KIF26B: variants seen among roughly 807,000 people sequenced by gnomAD.
The protein encoded by KIF26B is kinesin family member 26B, also known as kinesin-like protein KIF26B.
In KIF26B, 63 loss-of-function variants were observed where a neutral mutation model predicts 151.2. The ratio of observed to expected loss-of-function variants is 0.42; its 90% confidence interval spans 0.34 to 0.51. KIF26B has a LOEUF of 0.51. KIF26B is among the 20% of genes least tolerant of loss of function. The pLI, the probability that KIF26B is intolerant of heterozygous loss-of-function variation, is 0.07. For synonymous variants in KIF26B, 1,357 were observed against 1,262.1 expected (o/e 1.08, Z -1.59); for missense variants, 2,813 against 2,913.6 (o/e 0.97, Z 0.79).
intron 2 of KIF26B, among the ~76,000 whole-genome samples, chr1:245,186,920 G>A (rs1032027940): frequency 2.6e-5 from 4 of 151,538 alleles, no homozygotes; most frequent in Non-Finnish European, 1.5e-5. Context: ...GCAATGGCGC[G>A]ATCTTGGCTC....
chr1:245,637,784 T>A (rs1309575086), intron 9 of KIF26B, among the ~76,000 whole-genome samples: 2 of 151,992 alleles, frequency 1.3e-5, no homozygotes, highest in Non-Finnish European at 2.9e-5. Flanking sequence ...ATGTTATTGG[T>A]GCCTTTGTCA....
At chr1:245,609,208 T>G in intron 7 of KIF26B, 58 bp from the exon 8 acceptor site, 1 of 1,488,190 alleles carries the variant, frequency 6.7e-7, no homozygotes, top group South Asian at 1.4e-5. Flanking sequence ...TTTTGGAGAC[T>G]CCGTGGAATG....
At chr1:245,421,079 A>G (rs189968735) in intron 4 of KIF26B, among the ~76,000 whole-genome samples, 1 of 152,198 alleles carries the variant, frequency 6.6e-6, no homozygotes, top group Admixed American at 6.5e-5. Flanking sequence ...AATGGGGACC[A>G]TTGTGTTAGC....
chr1:245,525,605 G>GA (rs1462020412), intron 4 of KIF26B, among the ~76,000 whole-genome samples: 3 of 152,196 alleles, frequency 2.0e-5, no homozygotes, highest in Non-Finnish European at 4.4e-5. Context: ...TTCACACAAG[G>GA]AAAAGATGAT....
At chr1:245,165,385 G>T (rs1311906859) in intron 2 of KIF26B, among the ~76,000 whole-genome samples, 4 of 152,216 alleles carry the variant, frequency 2.6e-5, no homozygotes, top group Admixed American at 2.6e-4. Context: ...CAGAGAAGGG[G>T]TTTTGTTATT....
In KIF26B at chr1:245,547,884, C is replaced by G. The variant is rs561694816; in HGVS notation, c.1350+6934C>G. Among the ~76,000 whole-genome samples the G allele has an allele frequency of 2.0e-5, 3 of 152,266 alleles. No individual in the cohort carries two copies. In the South Asian group the frequency reaches 6.2e-4, roughly 32 times the overall value. On this transcript the variant is annotated intron_variant, in intron 5 of 14. Coordinates refer to ENST00000407071, the MANE Select transcript of KIF26B (RefSeq NM_018012.4). ...GGAGGACTGGTTTGGTCCTGTAGCC[C>G]AGAGTCTCCTATCTTATATACCAGG...
At chr1:245,197,518 A>G (rs1029353918) in intron 2 of KIF26B, among the ~76,000 whole-genome samples, 7 of 152,146 alleles carry the variant, frequency 4.6e-5, no homozygotes, top group Admixed American at 3.3e-4. Context: ...ACGTGCTCAC[A>G]CACTTCAGAA....
chr1:245,494,075 G>A (rs1348377278), intron 4 of KIF26B, among the ~76,000 whole-genome samples: 1 of 151,976 alleles, frequency 6.6e-6, no homozygotes, highest in African/African-American at 2.4e-5. Flanking sequence ...AGGCCGAGGT[G>A]GGTGGATCAC....
At chr1:245,251,968 C>T (rs1351619045) in intron 2 of KIF26B, among the ~76,000 whole-genome samples, 1 of 152,002 alleles carries the variant, frequency 6.6e-6, no homozygotes, top group African/African-American at 2.4e-5. Context: ...GGATAATTTA[C>T]ATCTTTACAA....
chr1:245,501,829 TC>T (rs1660627325), intron 4 of KIF26B, among the ~76,000 whole-genome samples: 1 of 152,200 alleles, frequency 6.6e-6, no homozygotes, highest in East Asian at 1.9e-4. Flanking sequence ...CTGCTGCACT[TC>T]CGTCTTTAGA....
chr1:245,683,798 G>A (rs1283431009), intron 10 of KIF26B, among the ~76,000 whole-genome samples: 1 of 152,236 alleles, frequency 6.6e-6, no homozygotes, highest in Non-Finnish European at 1.5e-5. Context: ...CCAGGTTCGT[G>A]GCAGGGGGAC....
intron 9 of KIF26B, among the ~76,000 whole-genome samples, chr1:245,635,773 G>A (rs1419057749): frequency 3.3e-5 from 5 of 151,960 alleles, no homozygotes; most frequent in South Asian, 2.1e-4. Flanking sequence ...AATGCTATAC[G>A]TTTGTTTTAA....
intron 1 of KIF26B, 114 bp downstream of exon 1, chr1:245,155,601 G>C: frequency 1.1e-6 from 1 of 890,574 alleles, no homozygotes; most frequent in Non-Finnish European, 1.7e-6. Flanking sequence ...CTGCAGAGGC[G>C]CCCCCGGGGC....
rs947022098 is a variant in KIF26B, at chr1:245,520,327, C to T, written c.1167-20440C>T. On this transcript the variant is annotated intron_variant, in intron 4 of 14. Coordinates refer to ENST00000407071, the MANE Select transcript of KIF26B (RefSeq NM_018012.4). ...ACTGGCAACTTCAAAAAACCCCTCT[C>T]CCAGAGGCTTGGGAAAACACATGTT... Among the ~76,000 whole-genome samples the T allele has an allele frequency of 2.0e-5, 3 of 152,182 alleles. No individual in the cohort carries two copies. In the East Asian group the frequency reaches 5.8e-4, roughly 29 times the overall value.
intron 12 of KIF26B, among the ~76,000 whole-genome samples, chr1:245,691,630 T>C (rs1033105905): frequency 1.3e-5 from 2 of 152,212 alleles, no homozygotes; most frequent in Non-Finnish European, 2.9e-5. Flanking sequence ...CCTAACTAGA[T>C]GGCTAGAGTT....
At chr1:245,607,529 C>G in intron 6 of KIF26B, 122 bp from the exon 7 acceptor site, 2 of 735,702 alleles carry the variant, frequency 2.7e-6, no homozygotes, top group Non-Finnish European at 4.4e-6. Flanking sequence ...AGAGGCCAAC[C>G]CACCTGGGAA....
At chr1:245,672,901 T>C (rs1288105763) in intron 10 of KIF26B, among the ~76,000 whole-genome samples, 1 of 152,128 alleles carries the variant, frequency 6.6e-6, no homozygotes, top group East Asian at 1.9e-4. Flanking sequence ...GATCAATAAA[T>C]ATAAATTCCA....
intron 2 of KIF26B, among the ~76,000 whole-genome samples, chr1:245,252,131 C>T (rs1319389006): frequency 1.3e-5 from 2 of 151,706 alleles, no homozygotes; most frequent in African/African-American, 4.8e-5. Context: ...AAAAAATTAG[C>T]TGGATGTGGT....
At chr1:245,550,989 G>A (rs539749674) in intron 5 of KIF26B, among the ~76,000 whole-genome samples, 6 of 152,152 alleles carry the variant, frequency 3.9e-5, no homozygotes, top group Non-Finnish European at 8.8e-5. Context: ...AGCCCATGAT[G>A]AGCTGAGGGA....
Sources: gnomAD v4.1 joint callset for allele counts (sites outside exome capture counted in the v4.1 genomes callset) on GRCh38, gnomAD v4.1.1 for gene constraint, MANE v1.5 for transcripts, NCBI Gene and HGNC (gene_info 2026-07-23, HGNC 2026-07-21) for gene names.